Variants in AFF1 observed in about 807,000 individuals in gnomAD.
AFF1 encodes AF4/FMR2 family member 1.
A neutral mutation model predicts 121.7 loss-of-function variants in AFF1; 48 were observed. That is an observed-to-expected ratio of 0.39 (90% confidence interval 0.31 to 0.50). AFF1 has a LOEUF of 0.50. Ranked by LOEUF, AFF1 falls within the 20% of genes least tolerant of loss-of-function variation. The pLI is 0.76. For synonymous variants in AFF1, 613 were observed against 563.0 expected (o/e 1.09, Z -1.26); for missense variants, 1,523 against 1,511.7 (o/e 1.01, Z -0.12).
At chr4:87,041,319 A>G (rs1240645724) in intron 2 of AFF1, among the ~76,000 whole-genome samples, 3 of 152,190 alleles carry the variant, frequency 2.0e-5, no homozygotes, top group African/African-American at 4.8e-5. Context: ...AAGTGATGTC[A>G]TTCCTTGGCC....
At chr4:87,033,843 T>C (rs889523517) in intron 2 of AFF1, among the ~76,000 whole-genome samples, 2 of 152,194 alleles carry the variant, frequency 1.3e-5, no homozygotes, top group Non-Finnish European at 2.9e-5. Flanking sequence ...CAAAATTTAT[T>C]TAAAAAAACT....
intron 2 of AFF1, among the ~76,000 whole-genome samples, chr4:87,012,125 A>G (rs1185811790): frequency 6.6e-6 from 1 of 152,110 alleles, no homozygotes; most frequent in Non-Finnish European, 1.5e-5. Flanking sequence ...TAATACCTGT[A>G]AGAGAGAGGA....
At position 87,114,510 on chromosome 4, in the gene AFF1, G is replaced by GAGT; in HGVS notation, c.1678_1680dup (p.Ser560dup). The GAGT allele has an allele frequency of 6.2e-7, 1 of 1,613,498 alleles. No individual in the cohort carries two copies. The highest frequency in any genetic ancestry group is 1.3e-5 in the African/African-American group (1 of 74,992). The stretch of plus-strand genomic sequence containing the variant: ...GTAAGGGCAGCAGCGACAGTGCCAC[G>GAGT]AGTCAGGAGCATTCTGAATCCAAAG... On this transcript the variant is annotated inframe_insertion, in exon 12 of 21. Coordinates refer to ENST00000395146, the MANE Select transcript of AFF1 (RefSeq NM_001166693.3).
chr4:87,114,064 C>T (rs1442115069), intron 11 of AFF1, among the ~76,000 whole-genome samples: 1 of 152,148 alleles, frequency 6.6e-6, no homozygotes, highest in African/African-American at 2.4e-5. Flanking sequence ...TGTGTCAATT[C>T]TGTTTAAATT....
chr4:87,022,566 ATATATATATATATATATC>A (rs1560547100), intron 2 of AFF1, among the ~76,000 whole-genome samples: 3 of 71,500 alleles, frequency 4.2e-5, no homozygotes, highest in African/African-American at 1.6e-4. Context: ...ATATATATAT[ATATATATATATATATATC>A]TATCTATATC....
chr4:86,967,188 A>G (rs1185294302), intron 2 of AFF1, among the ~76,000 whole-genome samples: 3 of 152,198 alleles, frequency 2.0e-5, no homozygotes, highest in Non-Finnish European at 4.4e-5. Flanking sequence ...ATCAGAGAAG[A>G]CTTCTTGGAA....
At chr4:87,036,712 G>C in intron 2 of AFF1, 1 of 442,818 alleles carries the variant, frequency 2.3e-6, no homozygotes, top group Non-Finnish European at 4.5e-6. Flanking sequence ...TCTATTAAGA[G>C]AAACAAAATG....
intron 6 of AFF1, among the ~76,000 whole-genome samples, chr4:87,090,385 C>T (rs1303033820): frequency 3.3e-5 from 5 of 152,148 alleles, no homozygotes; most frequent in African/African-American, 1.2e-4. Flanking sequence ...TGTGATTTCT[C>T]GTTCAGAATT....
chr4:87,111,427 C>T (rs1241463389), intron 11 of AFF1, among the ~76,000 whole-genome samples: 1 of 149,926 alleles, frequency 6.7e-6, no homozygotes, highest in Non-Finnish European at 1.5e-5. Context: ...GATCTCGGCT[C>T]ACTGCAACCT....
intron 12 of AFF1, among the ~76,000 whole-genome samples, chr4:87,120,877 T>G (rs1727619410): frequency 6.6e-6 from 1 of 152,174 alleles, no homozygotes; most frequent in Admixed American, 6.5e-5. Flanking sequence ...TTCCTACAAG[T>G]GTCTGCTTGG....
intron 16 of AFF1, among the ~76,000 whole-genome samples, chr4:87,129,997 C>T (rs1436309108): frequency 6.6e-6 from 1 of 150,738 alleles, no homozygotes; most frequent in Non-Finnish European, 1.5e-5. Flanking sequence ...TTTTTTGAGC[C>T]AGAGTCTTGC....
rs1411420385 is a variant in AFF1 at position 86,994,181 on chromosome 4, A to C, written c.38+45610A>C. 3.3e-5 allele frequency among the ~76,000 whole-genome samples: 5 copies of C among 152,210 alleles called. No individual in the cohort carries two copies. The East Asian group carries it at 9.6e-4, about 29-fold the overall frequency. ...AAAGAGTCCCCCTACTAAATAAACTATATTTAAACAAACATTTGTTTTCTT... is the reference window on the plus strand; with the variant it reads ...AAAGAGTCCCCCTACTAAATAAACTCTATTTAAACAAACATTTGTTTTCTT... On this transcript the variant is annotated intron_variant, in intron 2 of 20. Coordinates refer to ENST00000395146, the MANE Select transcript of AFF1 (RefSeq NM_001166693.3).
chr4:87,047,625 C>T, intron 4 of AFF1, 31 bp downstream of exon 4: 1 of 1,613,150 alleles, frequency 6.2e-7, no homozygotes, highest in Non-Finnish European at 8.5e-7. Flanking sequence ...TGGGGAATTC[C>T]AATTCGAAGA....
At chr4:87,107,804 T>A (rs1291331451) in intron 10 of AFF1, among the ~76,000 whole-genome samples, 1 of 152,180 alleles carries the variant, frequency 6.6e-6, no homozygotes. Context: ...TGGGTATGGG[T>A]GTCTTCCAAT....
chr4:86,995,502 C>T (rs1560525715), intron 2 of AFF1, among the ~76,000 whole-genome samples: 1 of 151,842 alleles, frequency 6.6e-6, no homozygotes, highest in East Asian at 1.9e-4. Flanking sequence ...TTGGTGGAGA[C>T]GGGGTTTCGC....
intron 4 of AFF1, among the ~76,000 whole-genome samples, chr4:87,048,321 A>G (rs1052989995): frequency 5.3e-5 from 8 of 152,180 alleles, no homozygotes; most frequent in African/African-American, 1.9e-4. Context: ...ACTTTTTAAA[A>G]CCAAGAAAAA....
At chr4:87,019,676 C>T (rs550499459) in intron 2 of AFF1, among the ~76,000 whole-genome samples, 2 of 152,224 alleles carry the variant, frequency 1.3e-5, no homozygotes, top group African/African-American at 4.8e-5. Flanking sequence ...GGAAGCACCA[C>T]GCCCCTTCCC....
At chr4:87,110,107 TTAATATTGCA>T (rs1726312507) in intron 11 of AFF1, among the ~76,000 whole-genome samples, 1 of 152,236 alleles carries the variant, frequency 6.6e-6, no homozygotes, top group East Asian at 1.9e-4. Flanking sequence ...TTCTTTTTCA[TTAATATTGCA>T]TAATCAGTAC....
chr4:86,969,577 T>TAAA (rs5860046), intron 2 of AFF1, among the ~76,000 whole-genome samples: 52,304 of 145,532 alleles, frequency 0.36, 9,506 homozygotes, highest in East Asian at 0.51. Context: ...AAATAGTTGT[T>TAAA]AAAAAAAAAA....
Sources: gnomAD v4.1 joint callset for allele counts (sites outside exome capture counted in the v4.1 genomes callset) on GRCh38, gnomAD v4.1.1 for gene constraint, MANE v1.5 for transcripts, NCBI Gene and HGNC (gene_info 2026-07-23, HGNC 2026-07-21) for gene names.